The following GBP2 variants were observed in gnomAD, a reference collection of about 807,000 sequenced individuals.
GBP2 encodes guanylate binding protein 2, also known as guanylate-binding protein 2.
Under a neutral mutation model 60.8 loss-of-function variants are expected in GBP2, and 54 were observed. That is an observed-to-expected ratio of 0.89 (90% CI 0.71 to 1.11). The LOEUF is 1.11. Ranked by LOEUF, GBP2 falls within the 50% of genes most tolerant of loss-of-function variation. The pLI is 0.00. For synonymous variants in GBP2, 243 were observed against 256.5 expected, an observed-to-expected ratio of 0.95 and a Z score of 0.50; for missense variants, 665 against 703.3, an observed-to-expected ratio of 0.95 and a Z score of 0.62.
intron 8 of GBP2, among the ~76,000 whole-genome samples, chr1:89,110,492 A>G (rs965773642): frequency 6.6e-6 from 1 of 152,240 alleles, no homozygotes; most frequent in Admixed American, 6.5e-5. Flanking sequence ...TATGTAAAAC[A>G]TATAATACCC....
Position 89,114,211 on chromosome 1 carries a change from G to A in GBP2, c.954C>T (p.Ala318=), listed in dbSNP as rs150892239. The part of the protein sequence containing the change: ...PCMENAVLAL[A]QIENSAAVEK... ...CCACTGCGGCTGAGTTCTCTATCTG[G>A]GCCAAGGCCAGGACTGCGTTCTCCA... The change falls in exon 7 of 11, where the codon GCC becomes GCT. Residue 318 remains alanine (A), a synonymous_variant. Coordinates refer to ENST00000370466, the MANE Select transcript of GBP2 (RefSeq NM_004120.5). 3.7e-6 allele frequency: 6 copies of A among 1,614,048 alleles called. No individual in the cohort carries two copies. The African/African-American group carries it at 5.3e-5, about 14-fold the overall frequency.
intron 6 of GBP2, 147 bp from the exon 7 acceptor site, chr1:89,114,443 A>G: frequency 4.9e-6 from 5 of 1,014,610 alleles, no homozygotes; most frequent in South Asian, 1.8e-5. Flanking sequence ...ACCTCTAATC[A>G]CAGAGGAAAT....
In GBP2 at chr1:89,117,694, C is replaced by A. The variant is rs199628302; in HGVS notation, c.508G>T (p.Val170Leu). 4.1e-5 allele frequency: 66 copies of A among 1,613,950 alleles called. No homozygotes were observed. The African/African-American group carries it at 6.1e-4, about 15-fold the overall frequency. Residue 170 changes from valine to leucine, a missense_variant, in exon 5 of 11, where the codon GTG becomes TTG. Coordinates refer to ENST00000370466, the MANE Select transcript of GBP2 (RefSeq NM_004120.5). Reference sequence around the variant, plus strand: ...CACACAAATGCTGGAAAAAAGCTCACAAAGTCAGCTGAGTCGTCTACAGAA... The same window carrying A: ...CACACAAATGCTGGAAAAAAGCTCAAAAAGTCAGCTGAGTCGTCTACAGAA... The part of the protein sequence containing the change: ...NNSVDDSADF[V>L]SFFPAFVWTL...
chr1:89,117,032 A>G lies in GBP2; in HGVS notation c.828T>C (p.Asn276=), dbSNP rs762836659. The change falls in exon 6 of 11, where the codon AAT becomes AAC. Residue 276 remains asparagine (N), a synonymous_variant. Coordinates refer to ENST00000370466, the MANE Select transcript of GBP2 (RefSeq NM_004120.5). ...EFCSYILSHS[N]VKTLSGGIPV... The stretch of plus-strand genomic sequence containing the variant: ...GAATGCCACCTGAAAGAGTCTTGAC[A>G]TTGGAATGGCTGAGGATGTAGGAAC... The G allele has an allele frequency of 1.9e-5, 31 of 1,614,104 alleles. No individual in the cohort carries two copies. In the South Asian group the frequency reaches 3.3e-4, roughly 17 times the overall value.
Position 89,121,781 on chromosome 1 carries a change from T to C in GBP2, c.186A>G (p.Lys62=), listed in dbSNP as rs779286651. The change falls in exon 2 of 11, where the codon AAA becomes AAG. Residue 62 remains lysine, a synonymous_variant. Transcript: ENST00000370466. Reference sequence around the variant, plus strand: ...AGCTTTGCTGGTGTCACTCACCGTTTTTCTTCCCAGCCAGCTTGTTCATCA... The same window carrying C: ...AGCTTTGCTGGTGTCACTCACCGTTCTTCTTCCCAGCCAGCTTGTTCATCA... ...SYLMNKLAGK[K]NGFSLGSTVK... The C allele has an allele frequency of 4.3e-6, 7 of 1,613,822 alleles. No individual in the cohort carries two copies. The highest frequency in any genetic ancestry group is 1.1e-5 in the South Asian group (1 of 91,050).
intron 7 of GBP2, chr1:89,112,974 T>C (rs1681193844): frequency 1.3e-5 from 5 of 391,662 alleles, no homozygotes; most frequent in Admixed American, 8.3e-5. Flanking sequence ...TCTTTCCAAG[T>C]CTCTCATTTC....
rs750175022 is a variant in GBP2 at position 89,120,300 on chromosome 1, T to C, written c.319-12A>G. On this transcript the variant is annotated splice_polypyrimidine_tract_variant and intron_variant, in intron 3 of 10. Coordinates refer to ENST00000370466, the MANE Select transcript of GBP2 (RefSeq NM_004120.5). ...TTCTCATTGTCACCCTGTAAGTCAT[T>C]GTAGAAGCCACAAAGAAGAATGACT... is the stretch of plus-strand genomic sequence containing the variant. 2 of 1,593,968 alleles carry C rather than the reference T, an allele frequency of 1.3e-6. No individual in the cohort carries two copies. Among genetic ancestry groups the C allele is most frequent in the East Asian group, 2.2e-5 (1 of 44,770 alleles).
Position 89,108,137 on chromosome 1 carries a change from A to C in GBP2, c.*38T>G, listed in dbSNP as rs1469996251. The C allele has an allele frequency of 1.9e-6, 2 of 1,073,792 alleles. No individual in the cohort carries two copies. The highest frequency in any genetic ancestry group is 3.6e-5 in the Admixed American group (2 of 55,614). The allele number at this position is 1,073,792 out of a possible 1,614,324, so 66.5% of individuals were successfully genotyped here. A position where few individuals can be genotyped will look rare whatever the true frequency, so the allele number is the denominator to read the frequency against. The stretch of plus-strand genomic sequence containing the variant: ...TGCTCATTCATGTTGTTTCTTGGGG[A>C]GAGGGAGCTGGACAGGCAAATTTTG... On this transcript the variant is annotated 3_prime_UTR_variant, in exon 11 of 11. Transcript: ENST00000370466.
rs146403599 is a variant in GBP2 at position 89,113,258 on chromosome 1, C to T, written c.1150-574G>A. ...AGAATATTTTTGTGTATTTTCTCAG[C>T]ATAGGGCTAATGAAAGTAATGAAGA... is the stretch of plus-strand genomic sequence containing the variant. On this transcript the variant is annotated intron_variant, in intron 7 of 10. Transcript: ENST00000370466. 2.5e-4 allele frequency among the ~76,000 whole-genome samples: 38 copies of T among 152,336 alleles called. No homozygotes were observed. The East Asian group carries it at 7.3e-3, about 29-fold the overall frequency.
rs536992035 is a variant in GBP2, at chr1:89,115,876, G to A, written c.868+1116C>T. Among the ~76,000 whole-genome samples the A allele has an allele frequency of 1.4e-4, 22 of 152,022 alleles. No homozygotes were observed. In the South Asian group the frequency reaches 4.4e-3, roughly 30 times the overall value. On this transcript the variant is annotated intron_variant, in intron 6 of 10. Coordinates refer to ENST00000370466, the MANE Select transcript of GBP2 (RefSeq NM_004120.5). ...CCCACCTTGGCCTCCCAAAATGCTGGGATTACAGGCATTAGCCTCCTGTGT... is the reference window on the plus strand; with the variant it reads ...CCCACCTTGGCCTCCCAAAATGCTGAGATTACAGGCATTAGCCTCCTGTGT...
At chr1:89,125,305 G>T (rs1408641138) in intron 1 of GBP2, among the ~76,000 whole-genome samples, 1 of 152,092 alleles carries the variant, frequency 6.6e-6, no homozygotes, top group African/African-American at 2.4e-5. Context: ...CCCTTCAGGG[G>T]ACAATGGCAA....
At chr1:89,116,620 A>G (rs968580443) in intron 6 of GBP2, among the ~76,000 whole-genome samples, 2 of 152,168 alleles carry the variant, frequency 1.3e-5, no homozygotes, top group African/African-American at 4.8e-5. Flanking sequence ...GCTGAACAAG[A>G]GAATTGTACT....
rs184006987 is a variant in GBP2 at position 89,106,563 on chromosome 1, T to A, written c.*1612A>T. The A allele has an allele frequency of 6.6e-6, 1 of 152,310 alleles. No homozygotes were observed. Among genetic ancestry groups the A allele is most frequent in the African/African-American group, 2.4e-5 (1 of 41,572 alleles). 9.4% of individuals were successfully genotyped at this position (152,310 alleles called of 1,614,324 possible). A position where few individuals can be genotyped will look rare whatever the true frequency, so the allele number is the denominator to read the frequency against. ...CAAAAAAGATGAGAAGAGTGTTGTATCTGATGTACACAAAAATACTAACTC... is the reference window on the plus strand; with the variant it reads ...CAAAAAAGATGAGAAGAGTGTTGTAACTGATGTACACAAAAATACTAACTC... On this transcript the variant is annotated 3_prime_UTR_variant, in exon 11 of 11. Transcript: ENST00000370466.
chr1:89,119,126 A>T (rs956319819), intron 4 of GBP2: 1 of 152,218 alleles, frequency 6.6e-6, no homozygotes, highest in Non-Finnish European at 1.5e-5. Flanking sequence ...AGAGGCTAAA[A>T]GGAGAAAGAG....
At chr1:89,113,991 T>C in intron 7 of GBP2, 25 bp downstream of exon 7, 1 of 1,610,678 alleles carries the variant, frequency 6.2e-7, no homozygotes, top group Non-Finnish European at 8.5e-7. Context: ...TTTCTGCCTC[T>C]CATGACGTAG....
intron 10 of GBP2, among the ~76,000 whole-genome samples, chr1:89,108,533 T>G (rs920802690): frequency 6.6e-6 from 1 of 152,240 alleles, no homozygotes; most frequent in African/African-American, 2.4e-5. Context: ...TTTGCACTCA[T>G]GCAACACAGT....
In GBP2 at chr1:89,110,207, T is replaced by TAGAAGTGCATCAGGCCAA. The variant is rs1681135677; in HGVS notation, c.1421_1422insTTGGCCTGATGCACTTCT (p.Leu474_Gln475insTrpProAspAlaLeuLeu). 2 of 1,613,882 alleles carry TAGAAGTGCATCAGGCCAA rather than the reference T, an allele frequency of 1.2e-6. No homozygotes were observed. The highest frequency in any genetic ancestry group is 2.7e-5 in the African/African-American group (2 of 74,918). ...TTTCTGAGAGTGACTGATCAGTCTGTAGAAGTGCATCAGCCACATCCTCCT... is the reference window on the plus strand; with the variant it reads ...TTTCTGAGAGTGACTGATCAGTCTGTAGAAGTGCATCAGGCCAAAGAAGTGCATCAGCCACATCCTCCT... On this transcript the variant is annotated inframe_insertion, in exon 9 of 11. Coordinates refer to ENST00000370466, the MANE Select transcript of GBP2 (RefSeq NM_004120.5).
At chr1:89,116,166 C>A (rs962480505) in intron 6 of GBP2, among the ~76,000 whole-genome samples, 11 of 152,050 alleles carry the variant, frequency 7.2e-5, no homozygotes, top group African/African-American at 2.2e-4. Flanking sequence ...GTGTTAGCCA[C>A]CATGCCTGAT....
At chr1:89,112,291 C>T (rs375137559) in intron 8 of GBP2, among the ~76,000 whole-genome samples, 181 bp downstream of exon 8, 12 of 152,168 alleles carry the variant, frequency 7.9e-5, no homozygotes, top group African/African-American at 2.9e-4. Flanking sequence ...AGGGCTACAT[C>T]TGTGCTTCTG....
Sources: allele counts gnomAD v4.1 joint callset (sites outside exome capture counted in the v4.1 genomes callset), GRCh38; gene constraint gnomAD v4.1.1; transcripts MANE v1.5; gene names NCBI Gene and HGNC (gene_info 2026-07-23, HGNC 2026-07-21).